The following RASGRF1 variants were observed in gnomAD, a reference collection of about 807,000 sequenced individuals.
RASGRF1 encodes the protein ras-specific guanine nucleotide-releasing factor 1.
A neutral mutation model predicts 138.7 loss-of-function variants in RASGRF1; 40 were observed. The ratio of observed to expected loss-of-function variants is 0.29; its 90% CI spans 0.22 to 0.38. The LOEUF is 0.38. Ranked by LOEUF, RASGRF1 falls within the 10% of genes least tolerant of loss-of-function variation. RASGRF1 has a pLI of 1.00. For missense variants in RASGRF1, 1,108 were observed against 1,650.4 expected (o/e 0.67, Z 5.69); for synonymous variants, 614 against 663.2 (o/e 0.93, Z 1.14).
intron 3 of RASGRF1, among the ~76,000 whole-genome samples, chr15:79,056,818 G>C (rs185917014): frequency 6.6e-6 from 1 of 152,184 alleles, no homozygotes; most frequent in Non-Finnish European, 1.5e-5. Context: ...AGCTGGATTC[G>C]CAGGTGTGAT....
rs1198571894 is a variant in RASGRF1, at chr15:79,050,999, A to G, written c.532-1411T>C. ...CACTCAACACATTCTTGTTGTCTAC[A>G]CAAATAAGTGAATTAAAAAAAATCA... On this transcript the variant is annotated intron_variant, in intron 3 of 26. Transcript: ENST00000558480. The surrounding 1 kb of genome is among the most constrained non-coding windows in gnomAD (Gnocchi z 4.1). Among the ~76,000 whole-genome samples, 3 of 152,224 alleles carry G rather than the reference A, an allele frequency of 2.0e-5. No homozygotes were observed. The highest frequency in any genetic ancestry group is 7.2e-5 in the African/African-American group (3 of 41,454).
At chr15:79,002,763 G>C (rs1178483798) in intron 15 of RASGRF1, among the ~76,000 whole-genome samples, 3 of 152,246 alleles carry the variant, frequency 2.0e-5, no homozygotes, top group East Asian at 1.9e-4. Context: ...GCCACGGTGA[G>C]TGTTACTTGG....
intron 6 of RASGRF1, among the ~76,000 whole-genome samples, chr15:79,033,630 G>T (rs2141003930): frequency 7.0e-6 from 1 of 142,814 alleles, no homozygotes; most frequent in South Asian, 2.2e-4. Flanking sequence ...TGTTGCCCAG[G>T]CTGGAGTGGA....
At chr15:79,056,608 G>GGATGTT (rs1261988190) in intron 3 of RASGRF1, among the ~76,000 whole-genome samples, 3 of 152,340 alleles carry the variant, frequency 2.0e-5, no homozygotes, top group Non-Finnish European at 4.4e-5. Context: ...GTGAAATGCA[G>GGATGTT]GTGACTGATC....
chr15:79,058,228 T>G, intron 3 of RASGRF1, 106 bp downstream of exon 3: 1 of 1,489,014 alleles, frequency 6.7e-7, no homozygotes, highest in Non-Finnish European at 9.0e-7. Context: ...GAACTGCATC[T>G]GGGAGCTGCT....
At chr15:79,036,582 G>T (rs2057225772) in intron 5 of RASGRF1, among the ~76,000 whole-genome samples, 1 of 152,154 alleles carries the variant, frequency 6.6e-6, no homozygotes, top group Non-Finnish European at 1.5e-5. Flanking sequence ...AAGACATTTG[G>T]TGAGCACAGA....
intron 26 of RASGRF1, among the ~76,000 whole-genome samples, chr15:78,969,076 G>A (rs2055700429): frequency 1.3e-5 from 2 of 152,112 alleles, no homozygotes; most frequent in South Asian, 4.1e-4. Context: ...CCAAGAAACA[G>A]TCTTGGCCTC....
chr15:79,083,938 G>A (rs1221244095), intron 1 of RASGRF1, among the ~76,000 whole-genome samples: 5 of 152,206 alleles, frequency 3.3e-5, no homozygotes, highest in South Asian at 2.1e-4. Context: ...TTGATCTGGC[G>A]TTTTGAAACA....
At chr15:79,015,617 G>A (rs2056867692) in intron 12 of RASGRF1, among the ~76,000 whole-genome samples, 2 of 152,220 alleles carry the variant, frequency 1.3e-5, no homozygotes, top group South Asian at 4.1e-4. Context: ...TGACCTTGGG[G>A]AACTTACTTG....
chr15:79,014,074 A>T (rs34998006), intron 13 of RASGRF1, among the ~76,000 whole-genome samples: 74,351 of 151,896 alleles, frequency 0.49, 19,006 homozygotes, highest in East Asian at 0.82. Flanking sequence ...AATAAAAAAA[A>T]TTTTTAAAAA....
At chr15:79,026,952 T>TGATA (rs1158453296) in intron 9 of RASGRF1, among the ~76,000 whole-genome samples, 1 of 151,852 alleles carries the variant, frequency 6.6e-6, no homozygotes, top group Non-Finnish European at 1.5e-5. Flanking sequence ...TCCGAAAAGG[T>TGATA]GATACCCTTG....
chr15:79,058,304 G>T, intron 3 of RASGRF1, 30 bp downstream of exon 3: 2 of 1,606,304 alleles, frequency 1.2e-6, no homozygotes, highest in Non-Finnish European at 1.7e-6. Context: ...TGTGCCTAGG[G>T]CCTGGGCCCA....
At chr15:79,029,264 G>A (rs1876211961) in intron 8 of RASGRF1, among the ~76,000 whole-genome samples, 3 of 152,128 alleles carry the variant, frequency 2.0e-5, no homozygotes, top group African/African-American at 7.2e-5. Context: ...CTTGATGTTT[G>A]AGAGGGAGGC....
At chr15:79,064,282 T>G (rs2057646819) in intron 2 of RASGRF1, 138 bp downstream of exon 2, 1 of 773,572 alleles carries the variant, frequency 1.3e-6, no homozygotes, top group African/African-American at 1.7e-5. Context: ...GGGTGGACCC[T>G]GCCAAGAGAT....
At chr15:78,979,234 T>G (rs748498403) in intron 24 of RASGRF1, 4 of 1,215,846 alleles carry the variant, frequency 3.3e-6, no homozygotes, top group Non-Finnish European at 4.2e-6. Flanking sequence ...GTGGAGATGG[T>G]CAAGGCGATG....
chr15:79,028,752 T>C (rs1015119771), intron 8 of RASGRF1, among the ~76,000 whole-genome samples: 2 of 152,234 alleles, frequency 1.3e-5, no homozygotes, highest in Non-Finnish European at 2.9e-5. Flanking sequence ...TATCTGCTGC[T>C]GATGCCTGAA....
intron 8 of RASGRF1, among the ~76,000 whole-genome samples, chr15:79,030,341 A>G (rs1017208069): frequency 6.6e-5 from 10 of 152,110 alleles, no homozygotes; most frequent in Non-Finnish European, 1.3e-4. Context: ...TCTGACCACA[A>G]GGCCCTCCCT....
Position 79,090,249 on chromosome 15 carries a change from A to G in RASGRF1, c.250T>C (p.Ser84Pro), listed in dbSNP as rs1157912044. ...TGTTTCTCCAGCGGCTCCTTGGCCG[A>G]CAGCGCCGGCTTGGGGGAGGGCGCG... ...DRAPSPKPALSAKEPLEKQHY... is the reference protein window; with the variant it reads ...DRAPSPKPALPAKEPLEKQHY... The change falls in exon 1 of 27, where the codon TCG becomes CCG. Residue 84 changes from serine to proline, a missense_variant. By Grantham distance (74) the Ser-to-Pro change is moderately conservative (BLOSUM62 -1). Transcript: ENST00000558480. The G allele has an allele frequency of 1.2e-6, 2 of 1,609,098 alleles. No homozygotes were observed. The highest frequency in any genetic ancestry group is 2.2e-5 in the South Asian group (2 of 90,930).
intron 1 of RASGRF1, among the ~76,000 whole-genome samples, chr15:79,088,454 C>T (rs2058010323): frequency 6.6e-6 from 1 of 152,216 alleles, no homozygotes; most frequent in South Asian, 2.1e-4. Context: ...CAGAGAAGTT[C>T]AGCAAGTTAA....
Sources: gnomAD v4.1 joint callset for allele counts (sites outside exome capture counted in the v4.1 genomes callset) on GRCh38, gnomAD v4.1.1 for gene constraint, Gnocchi (gnomAD v3.1) non-coding constraint, MANE v1.5 for transcripts, NCBI Gene and HGNC (gene_info 2026-07-23, HGNC 2026-07-21) for gene names.